The following C5 variants were observed in gnomAD, a reference collection of about 807,000 sequenced individuals.
C5 encodes complement C5.
Under a neutral mutation model 218.8 loss-of-function variants are expected in C5, and 140 were observed. That is an observed-to-expected ratio of 0.64 (90% CI 0.56 to 0.74). The LOEUF (loss-of-function observed/expected upper bound fraction) is 0.74. Ranked by LOEUF, C5 falls within the 30% of genes least tolerant of loss-of-function variation. The probability of loss-of-function intolerance (pLI) is 0.00; values close to 1 mark genes in which losing one functional copy is unlikely to be tolerated. For synonymous variants in C5, 614 were observed against 682.3 expected (o/e 0.90, Z 1.56); for missense variants, 1,700 against 1,969.6 (o/e 0.86, Z 2.59).
chr9:120,988,526 G>A (rs563196236), intron 25 of C5, among the ~76,000 whole-genome samples: 3 of 152,294 alleles, frequency 2.0e-5, no homozygotes, highest in African/African-American at 7.2e-5. Flanking sequence ...CATGCCTGGT[G>A]TGTTTGAGGA....
the C5 span, among the ~76,000 whole-genome samples, chr9:121,057,332 C>G: frequency 6.6e-6 from 1 of 152,104 alleles, no homozygotes; most frequent in African/African-American, 2.4e-5. Flanking sequence ...TAATGTAACA[C>G]TGTAATTGCA....
intron 25 of C5, among the ~76,000 whole-genome samples, chr9:120,987,062 G>A (rs1035464633): frequency 4.6e-5 from 7 of 152,140 alleles, no homozygotes; most frequent in African/African-American, 1.7e-4. Context: ...GGGGACAAAG[G>A]GCAGGGTATT....
chr9:121,060,237 G>A, the C5 span, among the ~76,000 whole-genome samples: 9 of 152,176 alleles, frequency 5.9e-5, no homozygotes, highest in African/African-American at 2.2e-4. Context: ...CCACCTGCTG[G>A]TATTAACTTA....
At chr9:121,010,867 T>C (rs2047255969) in intron 17 of C5, among the ~76,000 whole-genome samples, 1 of 152,092 alleles carries the variant, frequency 6.6e-6, no homozygotes, top group Admixed American at 6.6e-5. Flanking sequence ...GCCAAGAACA[T>C]ACATTGGAGG....
In C5 at chr9:121,017,525, T is replaced by C; in HGVS notation, c.1717-14A>G. ...AGACAGATGAACCTAAAAGTTCATTTGAAAAAGAAAAGAAAAGATCATTTG... is the reference window on the plus strand; with the variant it reads ...AGACAGATGAACCTAAAAGTTCATTCGAAAAAGAAAAGAAAAGATCATTTG... On this transcript the variant is annotated splice_polypyrimidine_tract_variant and intron_variant, in intron 13 of 40. Coordinates refer to ENST00000223642, the MANE Select transcript of C5 (RefSeq NM_001735.3). 6.2e-7 allele frequency: 1 copy of C among 1,613,464 alleles called. No individual in the cohort carries two copies. Among genetic ancestry groups the C allele is most frequent in the Non-Finnish European group, 8.5e-7 (1 of 1,179,828 alleles).
At chr9:121,006,122 AT>A in intron 19 of C5, 64 bp from the exon 20 acceptor site, 2 of 1,552,246 alleles carry the variant, frequency 1.3e-6, no homozygotes, top group African/African-American at 1.4e-5. Context: ...TTTTATTGGT[AT>A]TAAAATTTCT....
intron 20 of C5, among the ~76,000 whole-genome samples, chr9:121,002,200 A>G (rs1226060085): frequency 1.2e-5 from 1 of 86,342 alleles, no homozygotes. Flanking sequence ...ACATATACGT[A>G]TATATGTATA....
chr9:121,011,739 A>G (rs1468575799), intron 17 of C5, among the ~76,000 whole-genome samples: 1 of 152,254 alleles, frequency 6.6e-6, no homozygotes, highest in African/African-American at 2.4e-5. Flanking sequence ...GTCCATCAAC[A>G]GATAAATGGA....
rs150470491 is a variant in C5 at position 120,980,100 on chromosome 9, C to T, written c.3641G>A (p.Arg1214Lys). Residue 1214 changes from arginine (R) to lysine (K), a missense_variant, in exon 28 of 41, where the codon AGA becomes AAA. Coordinates refer to ENST00000223642, the MANE Select transcript of C5 (RefSeq NM_001735.3). ...QFRSIVSALK[R>K]EALVKGNPPI... ...AGTTATACCTTTAACCAAAGCTTCT[C>T]TCTTCAAAGCTGAAACAATTGAACG... is the stretch of plus-strand genomic sequence containing the variant. 3.1e-4 allele frequency: 497 copies of T among 1,614,028 alleles called. 1 individual carries two copies. Among genetic ancestry groups the T allele is most frequent in the Admixed American group, 2.7e-4 (16 of 59,996 alleles).
Position 121,020,620 on chromosome 9 carries a change from A to G in C5, c.1303-441T>C, listed in dbSNP as rs7045551. ...GAACATCTCAGAGACTATCTGGCCC[A>G]GTTTCATTGTGAAGTAGAGGCACAG... On this transcript the variant is annotated intron_variant, in intron 11 of 40. Coordinates refer to ENST00000223642, the MANE Select transcript of C5 (RefSeq NM_001735.3). Among the ~76,000 whole-genome samples, 510 of 152,308 alleles carry G rather than the reference A, an allele frequency of 3.3e-3. 3 individuals carry two copies. Among genetic ancestry groups the G allele is most frequent in the African/African-American group, 0.012 (490 of 41,572 alleles).
Position 121,034,954 on chromosome 9 carries a change from A to G in C5, c.493-60T>C, listed in dbSNP as rs2047511156. ...AACTACATTTTAAAAAATTTAACTG[A>G]TTATACAATCTTTGATGTACAAAAT... On this transcript the variant is annotated intron_variant, in intron 4 of 40. Coordinates refer to ENST00000223642, the MANE Select transcript of C5 (RefSeq NM_001735.3). 3.4e-5 allele frequency: 27 copies of G among 804,892 alleles called. No individual in the cohort carries two copies. The South Asian group carries it at 3.6e-4, about 11-fold the overall frequency. The allele number at this position is 804,892 out of a possible 1,614,324, so 49.9% of individuals were successfully genotyped here.
intron 21 of C5, among the ~76,000 whole-genome samples, chr9:120,997,169 C>T (rs1009192657): frequency 4.6e-5 from 7 of 151,846 alleles, no homozygotes; most frequent in African/African-American, 1.7e-4. Context: ...TTTCAAGACA[C>T]ATTTTCTGAA....
chr9:121,063,482 T>C, the C5 span, among the ~76,000 whole-genome samples: 1 of 152,124 alleles, frequency 6.6e-6, no homozygotes, highest in African/African-American at 2.4e-5. Context: ...ACTGAAAATA[T>C]CTCACGTAAA....
intron 1 of C5, among the ~76,000 whole-genome samples, chr9:121,049,476 G>A (rs1437811856): frequency 6.6e-6 from 1 of 152,094 alleles, no homozygotes; most frequent in Non-Finnish European, 1.5e-5. Context: ...ATATTTACAT[G>A]TATACATTTA....
At chr9:121,065,856 A>G in the C5 span, among the ~76,000 whole-genome samples, 3 of 152,184 alleles carry the variant, frequency 2.0e-5, no homozygotes, top group East Asian at 5.8e-4. Flanking sequence ...GATATACCCA[A>G]GATAATCAGC....
chr9:121,064,649 CA>C, the C5 span, among the ~76,000 whole-genome samples: 2 of 152,006 alleles, frequency 1.3e-5, no homozygotes, highest in South Asian at 2.1e-4. Flanking sequence ...AATTTAAATT[CA>C]AAAGCATTGG....
At position 121,023,340 on chromosome 9, in the gene C5, A is replaced by G; in HGVS notation, c.1116+64T>C. 3.9e-6 allele frequency: 4 copies of G among 1,031,364 alleles called. No individual in the cohort carries two copies. In the East Asian group the frequency reaches 7.1e-5, roughly 18 times the overall value. 63.9% of individuals were successfully genotyped at this position (1,031,364 alleles called of 1,614,324 possible). On this transcript the variant is annotated intron_variant, in intron 10 of 40. Coordinates refer to ENST00000223642, the MANE Select transcript of C5 (RefSeq NM_001735.3). ...CATTCTTACCCTGTTTGCCACCCACATGTTTTCCATGAACAGAACAAGATG... is the reference window on the plus strand; with the variant it reads ...CATTCTTACCCTGTTTGCCACCCACGTGTTTTCCATGAACAGAACAAGATG...
At chr9:120,989,895 T>C (rs1378312393) in intron 23 of C5, 115 bp from the exon 24 acceptor site, 2 of 793,404 alleles carry the variant, frequency 2.5e-6, no homozygotes, top group African/African-American at 3.4e-5. Flanking sequence ...ATCTAGGCAG[T>C]TGACTTGCTT....
intron 5 of C5, among the ~76,000 whole-genome samples, chr9:121,032,623 C>A (rs956050155): frequency 3.9e-5 from 6 of 152,128 alleles, no homozygotes; most frequent in Admixed American, 3.3e-4. Context: ...TTACACCTCA[C>A]AAAAATGAAT....
Sources: gnomAD v4.1 joint callset for allele counts (sites outside exome capture counted in the v4.1 genomes callset) on GRCh38, gnomAD v4.1.1 for gene constraint, MANE v1.5 for transcripts, NCBI Gene and HGNC (gene_info 2026-07-23, HGNC 2026-07-21) for gene names.